The following DPP6 variants were observed in gnomAD, a reference collection of about 807,000 sequenced individuals.
The protein encoded by DPP6 is dipeptidyl peptidase like 6.
In DPP6, 69 loss-of-function variants were observed where a neutral mutation model predicts 122.6. The observed-to-expected ratio is 0.56, with a 90% CI of 0.46 to 0.69. The LOEUF is 0.69. Ranked by LOEUF, DPP6 falls within the 30% of genes least tolerant of loss-of-function variation. The pLI is 0.00. For synonymous variants in DPP6, 418 were observed against 433.1 expected, an observed-to-expected ratio of 0.97 and a Z score of 0.43; for missense variants, 928 against 1,116.9, an observed-to-expected ratio of 0.83 and a Z score of 2.41.
At chr7:154,842,939 T>G (rs573039107) in intron 16 of DPP6, among the ~76,000 whole-genome samples, 1 of 152,310 alleles carries the variant, frequency 6.6e-6, no homozygotes, top group African/African-American at 2.4e-5. Flanking sequence ...TATCAAGGAC[T>G]TAGGAAATAT....
chr7:154,519,622 A>G (rs1563795445), intron 3 of DPP6, among the ~76,000 whole-genome samples: 1 of 152,292 alleles, frequency 6.6e-6, no homozygotes, highest in South Asian at 2.1e-4. Context: ...TTCCAACCCA[A>G]TGAGTAGACA....
intron 1 of DPP6, among the ~76,000 whole-genome samples, chr7:154,382,838 G>T (rs906227182): frequency 4.9e-4 from 74 of 152,292 alleles, no homozygotes; most frequent in African/African-American, 1.7e-3. Flanking sequence ...CGATTCTCCT[G>T]CCTCAGCCTC....
At chr7:153,845,245 T>C in the DPP6 span, among the ~76,000 whole-genome samples, 11 of 152,162 alleles carry the variant, frequency 7.2e-5, no homozygotes, top group African/African-American at 2.4e-4. Flanking sequence ...ATAATTATAG[T>C]AGTTTTTTCA....
intron 3 of DPP6, among the ~76,000 whole-genome samples, chr7:154,526,416 T>C (rs1459180951): frequency 6.6e-6 from 1 of 152,108 alleles, no homozygotes; most frequent in Admixed American, 6.6e-5. Context: ...ACCTCGTAGA[T>C]AGTGCTGTCC....
chr7:154,407,394 A>G (rs1165186548), intron 1 of DPP6, among the ~76,000 whole-genome samples: 1 of 152,214 alleles, frequency 6.6e-6, no homozygotes, highest in African/African-American at 2.4e-5. Context: ...AGGAAGAACT[A>G]CATCTCACAT....
At chr7:154,874,035 C>T (rs568186723) in intron 19 of DPP6, among the ~76,000 whole-genome samples, 5 of 151,450 alleles carry the variant, frequency 3.3e-5, no homozygotes, top group African/African-American at 4.9e-5. Flanking sequence ...CGTGTGCATA[C>T]GCATCCACAT....
intron 1 of DPP6, among the ~76,000 whole-genome samples, chr7:153,953,903 C>G (rs567367066): frequency 1.3e-5 from 2 of 152,286 alleles, no homozygotes; most frequent in African/African-American, 4.8e-5. Context: ...GGAGGGCAGC[C>G]TGGCAGGAGG....
chr7:154,669,090 C>T (rs1838381095), intron 6 of DPP6, among the ~76,000 whole-genome samples: 1 of 152,160 alleles, frequency 6.6e-6, no homozygotes, highest in South Asian at 2.1e-4. Context: ...ATCCAAAGAC[C>T]TCACTGCATG....
chr7:154,000,418 C>T (rs1239504936), intron 1 of DPP6, among the ~76,000 whole-genome samples: 2 of 152,128 alleles, frequency 1.3e-5, no homozygotes, highest in Admixed American at 6.5e-5. Context: ...TGACTGATGT[C>T]TCCTAAGTGC....
intron 1 of DPP6, among the ~76,000 whole-genome samples, chr7:154,005,262 G>A (rs532846188): frequency 1.8e-4 from 28 of 152,274 alleles, no homozygotes; most frequent in African/African-American, 6.5e-4. Context: ...GAATAGCCTG[G>A]AATGGCTGCC....
At chr7:154,717,171 C>A (rs1454356735) in intron 7 of DPP6, among the ~76,000 whole-genome samples, 1 of 152,104 alleles carries the variant, frequency 6.6e-6, no homozygotes, top group East Asian at 1.9e-4. Context: ...GTGTAATTAT[C>A]AAATTACAGT....
intron 16 of DPP6, among the ~76,000 whole-genome samples, chr7:154,817,155 C>T (rs749385595): frequency 1.1e-4 from 16 of 152,150 alleles, no homozygotes; most frequent in Admixed American, 2.0e-4. Flanking sequence ...TACTAAGGTG[C>T]TTGTTATTCT....
At chr7:154,799,904 T>A (rs1196823243) in intron 12 of DPP6, among the ~76,000 whole-genome samples, 1 of 152,246 alleles carries the variant, frequency 6.6e-6, no homozygotes, top group Non-Finnish European at 1.5e-5. Flanking sequence ...ACTCAGAGGC[T>A]TCACCTGTGT....
chr7:154,174,044 C>T (rs1797671900), intron 1 of DPP6, among the ~76,000 whole-genome samples: 1 of 152,194 alleles, frequency 6.6e-6, no homozygotes, highest in African/African-American at 2.4e-5. Context: ...TCTCTACCAT[C>T]CTTTGGCTAT....
intron 6 of DPP6, among the ~76,000 whole-genome samples, chr7:154,667,303 A>G (rs1335375662): frequency 6.6e-6 from 1 of 152,088 alleles, no homozygotes; most frequent in Admixed American, 6.5e-5. Context: ...CAAAAGTTTT[A>G]TGTTTTTATG....
intron 3 of DPP6, among the ~76,000 whole-genome samples, chr7:154,525,338 G>A (rs141073492): frequency 2.2e-4 from 33 of 152,148 alleles, no homozygotes; most frequent in Admixed American, 1.6e-3. Context: ...TTGAAGAGAC[G>A]GAGTCTGGCT....
At chr7:154,805,372 C>T (rs1306620600) in intron 15 of DPP6, among the ~76,000 whole-genome samples, 1 of 152,284 alleles carries the variant, frequency 6.6e-6, no homozygotes, top group Non-Finnish European at 1.5e-5. Context: ...GAGGCCGGCC[C>T]TGCTGTCCGG....
chr7:154,235,301 C>T (rs1801139840), intron 1 of DPP6, among the ~76,000 whole-genome samples: 1 of 152,266 alleles, frequency 6.6e-6, no homozygotes, highest in South Asian at 2.1e-4. Flanking sequence ...GACTTCTTCC[C>T]TGAGCGTCAT....
At chr7:154,357,464 A>G (rs1229737163) in intron 1 of DPP6, among the ~76,000 whole-genome samples, 1 of 152,212 alleles carries the variant, frequency 6.6e-6, no homozygotes, top group Non-Finnish European at 1.5e-5. Context: ...GGTAAGGTCA[A>G]TAAATGTTGC....
Sources: allele counts gnomAD v4.1 joint callset (sites outside exome capture counted in the v4.1 genomes callset), GRCh38; gene constraint gnomAD v4.1.1; transcripts MANE v1.5; gene names NCBI Gene and HGNC (gene_info 2026-07-23, HGNC 2026-07-21).